The following PTK2 variants were observed in gnomAD, a reference collection of about 807,000 sequenced individuals.
The protein encoded by PTK2 is protein tyrosine kinase 2.
In PTK2, 45 loss-of-function variants were observed where a neutral mutation model predicts 150.1. The observed-to-expected ratio is 0.30, with a 90% CI of 0.24 to 0.38. The LOEUF (loss-of-function observed/expected upper bound fraction) is 0.38, where lower values mean the gene tolerates loss of function less well. Ranked by LOEUF, PTK2 falls within the 10% of genes least tolerant of loss-of-function variation. The pLI, the probability that PTK2 is intolerant of heterozygous loss-of-function variation, is 1.00. For missense variants in PTK2, 919 were observed against 1,307.3 expected, an observed-to-expected ratio of 0.70 and a Z score of 4.58; for synonymous variants, 432 against 449.2, an observed-to-expected ratio of 0.96 and a Z score of 0.48.
At chr8:140,871,927 G>A (rs991030184) in intron 4 of PTK2, among the ~76,000 whole-genome samples, 4 of 152,126 alleles carry the variant, frequency 2.6e-5, no homozygotes, top group South Asian at 2.1e-4. Context: ...AACCATACTA[G>A]GCCAGGCACA....
intron 16 of PTK2, among the ~76,000 whole-genome samples, chr8:140,760,573 G>A (rs1209815160): frequency 6.6e-6 from 1 of 152,184 alleles, no homozygotes; most frequent in Non-Finnish European, 1.5e-5. Context: ...AAAGGCTGGG[G>A]AAGGGTGGAA....
intron 1 of PTK2, among the ~76,000 whole-genome samples, chr8:140,936,150 C>T (rs2100173549): frequency 1.3e-5 from 2 of 152,116 alleles, no homozygotes; most frequent in Admixed American, 1.3e-4. Flanking sequence ...TGGAGTAAAA[C>T]TCTGTCTCTA....
chr8:140,902,939 T>TG (rs1601795220), intron 2 of PTK2, among the ~76,000 whole-genome samples: 4 of 139,494 alleles, frequency 2.9e-5, no homozygotes, highest in East Asian at 2.1e-4. Context: ...TTTTTTTTTT[T>TG]TTTTTTTTTT....
At chr8:140,800,350 G>C in intron 12 of PTK2, 109 bp downstream of exon 12, 1 of 878,324 alleles carries the variant, frequency 1.1e-6, no homozygotes. Context: ...TTATTCATTT[G>C]GTCTTCATTT....
intron 1 of PTK2, among the ~76,000 whole-genome samples, chr8:140,942,538 C>T (rs1179708311): frequency 6.6e-6 from 1 of 152,058 alleles, no homozygotes; most frequent in Non-Finnish European, 1.5e-5. Context: ...ACACTGAAAT[C>T]TACTTCACTT....
chr8:140,870,520 T>C (rs2100141880), intron 4 of PTK2, among the ~76,000 whole-genome samples: 1 of 152,116 alleles, frequency 6.6e-6, no homozygotes, highest in Non-Finnish European at 1.5e-5. Context: ...AGAATTAACT[T>C]AGTAAAGATG....
At chr8:140,890,865 CTT>C (rs2100153998) in intron 2 of PTK2, 96 bp from the exon 3 acceptor site, 12 of 1,058,924 alleles carry the variant, frequency 1.1e-5, no homozygotes, top group Middle Eastern at 2.1e-4. Flanking sequence ...TATACTCTCT[CTT>C]GATATGTTAT....
At chr8:140,952,946 T>C (rs902651303) in intron 1 of PTK2, among the ~76,000 whole-genome samples, 13 of 152,226 alleles carry the variant, frequency 8.5e-5, no homozygotes, top group African/African-American at 3.1e-4. Flanking sequence ...CAAATAATCA[T>C]TGCTAACAAT....
chr8:140,934,441 AT>A (rs56396361), intron 1 of PTK2: 38,089 of 151,334 alleles, frequency 0.25, 5,417 homozygotes, highest in Admixed American at 0.36. Context: ...AAAAAAATAA[AT>A]TTTTTTTTTG....
intron 7 of PTK2, among the ~76,000 whole-genome samples, chr8:140,835,906 G>A (rs1282812736): frequency 6.6e-6 from 1 of 152,074 alleles, no homozygotes; most frequent in Non-Finnish European, 1.5e-5. Flanking sequence ...GGGAACTGGT[G>A]TGTCTGAATT....
At chr8:140,744,998 A>G (rs904592207) in intron 18 of PTK2, among the ~76,000 whole-genome samples, 1 of 152,208 alleles carries the variant, frequency 6.6e-6, no homozygotes, top group African/African-American at 2.4e-5. Flanking sequence ...AATATTTTTG[A>G]CTAACGACAA....
intron 23 of PTK2, among the ~76,000 whole-genome samples, chr8:140,707,107 ATGATT>A (rs1358276010): frequency 6.6e-6 from 1 of 152,262 alleles, no homozygotes; most frequent in Non-Finnish European, 1.5e-5. Flanking sequence ...CAAAGAACAT[ATGATT>A]TCTTTAATGA....
At chr8:140,833,370 C>T (rs549904052) in intron 7 of PTK2, among the ~76,000 whole-genome samples, 1 of 152,330 alleles carries the variant, frequency 6.6e-6, no homozygotes, top group East Asian at 1.9e-4. Context: ...CTGCCTTTAA[C>T]ACATTTTAAT....
At position 140,888,947 on chromosome 8, in the gene PTK2, G is replaced by A. The variant is rs73356513; in HGVS notation, c.195+1596C>T. 4.2e-3 allele frequency among the ~76,000 whole-genome samples: 632 copies of A among 152,132 alleles called. 9 individuals carry two copies. Among genetic ancestry groups the A allele is most frequent in the African/African-American group, 0.014 (601 of 41,494 alleles). ...GCCTTACATAAAGTTACATCTACAAGGTTTTTTTCCAGTATGAATTATCTG... is the reference window on the plus strand; with the variant it reads ...GCCTTACATAAAGTTACATCTACAAAGTTTTTTTCCAGTATGAATTATCTG... On this transcript the variant is annotated intron_variant, in intron 3 of 31. Transcript: ENST00000522684.
intron 1 of PTK2, among the ~76,000 whole-genome samples, chr8:140,952,269 CAG>C (rs1291194034): frequency 6.6e-6 from 1 of 152,064 alleles, no homozygotes; most frequent in Admixed American, 6.6e-5. Flanking sequence ...CCCAAATAAA[CAG>C]AATGCACTGT....
chr8:140,900,164 C>T (rs759605908), intron 2 of PTK2, among the ~76,000 whole-genome samples: 5 of 152,080 alleles, frequency 3.3e-5, no homozygotes, highest in African/African-American at 4.8e-5. Context: ...AAATTAGTTT[C>T]GTTGACAGAT....
chr8:140,943,208 T>C lies in PTK2; in HGVS notation c.-121-17459A>G, dbSNP rs570924947. The stretch of plus-strand genomic sequence containing the variant: ...ACCACCACGCTGAAGACACAGACTA[T>C]TTCCATCACCCCAAGAAGTGCCCCC... On this transcript the variant is annotated intron_variant, in intron 1 of 31. Transcript: ENST00000522684. 3.3e-5 allele frequency among the ~76,000 whole-genome samples: 5 copies of C among 152,346 alleles called. No homozygotes were observed. The South Asian group carries it at 1.0e-3, about 32-fold the overall frequency.
At chr8:140,708,827 C>T (rs762048301) in intron 23 of PTK2, among the ~76,000 whole-genome samples, 5 of 151,974 alleles carry the variant, frequency 3.3e-5, no homozygotes, top group Non-Finnish European at 7.4e-5. Flanking sequence ...TTAATATATA[C>T]GCATTAATGA....
intron 27 of PTK2, among the ~76,000 whole-genome samples, chr8:140,681,546 CAGGGGG>C (rs1228611574): frequency 7.3e-5 from 11 of 150,556 alleles, no homozygotes; most frequent in Admixed American, 4.0e-4. Context: ...CGGAGGCGGG[CAGGGGG>C]GGATCACGAA....
Sources: allele counts gnomAD v4.1 joint callset (sites outside exome capture counted in the v4.1 genomes callset), GRCh38; gene constraint gnomAD v4.1.1; transcripts MANE v1.5; gene names NCBI Gene and HGNC (gene_info 2026-07-23, HGNC 2026-07-21).